Variants in ESRRG observed in about 807,000 individuals in gnomAD.
The protein encoded by ESRRG is estrogen related receptor gamma.
ESRRG carries 13 observed loss-of-function variants against 44.0 expected under a neutral mutation model. The observed-to-expected ratio is 0.30, with a 90% CI of 0.19 to 0.47. ESRRG has a LOEUF of 0.47. ESRRG is among the 20% of genes least tolerant of loss of function. The probability of loss-of-function intolerance (pLI) is 1.00; values close to 1 mark genes in which losing one functional copy is unlikely to be tolerated. For missense variants in ESRRG, 395 were observed against 580.6 expected, an observed-to-expected ratio of 0.68 and a Z score of 3.29; for synonymous variants, 215 against 214.6, an observed-to-expected ratio of 1.00 and a Z score of -0.02.
At chr1:216,875,196 A>C (rs1026824733) in intron 2 of ESRRG, among the ~76,000 whole-genome samples, 1 of 152,190 alleles carries the variant, frequency 6.6e-6, no homozygotes, top group Non-Finnish European at 1.5e-5. Flanking sequence ...GCCCTGAAAA[A>C]GACAGTGTTT....
At chr1:217,107,409 A>T (rs540022959) in intron 1 of ESRRG, among the ~76,000 whole-genome samples, 21 of 152,356 alleles carry the variant, frequency 1.4e-4, no homozygotes, top group Admixed American at 3.9e-4. Flanking sequence ...ATCAAATGTC[A>T]GTGCTTCCCT....
At chr1:216,810,941 C>A (rs542652193) in intron 2 of ESRRG, among the ~76,000 whole-genome samples, 145 of 151,590 alleles carry the variant, frequency 9.6e-4, no homozygotes, top group African/African-American at 3.3e-3. Context: ...TAGGAACAGA[C>A]CAATAGAAGA....
chr1:216,763,800 C>T lies in ESRRG; in HGVS notation c.-13-86309G>A, dbSNP rs188022036. 1.1e-3 allele frequency among the ~76,000 whole-genome samples: 162 copies of T among 151,982 alleles called. 1 individual carries two copies. The highest frequency in any genetic ancestry group is 3.1e-3 in the African/African-American group (128 of 41,460). The stretch of plus-strand genomic sequence containing the variant: ...AATTACGAGCTCTGGGTAAACTGCT[C>T]AATGTTTATGATCCTTGGTTTTGTC... On this transcript the variant is annotated intron_variant, in intron 2 of 7. Transcript: ENST00000359162.
At chr1:216,708,765 G>A (rs376928258) in intron 1 of ESRRG, among the ~76,000 whole-genome samples, 94 of 152,230 alleles carry the variant, frequency 6.2e-4, no homozygotes, top group African/African-American at 2.2e-3. Context: ...ACATGCACAC[G>A]TATGTTTATT....
chr1:216,862,241 T>TC (rs2096065522), intron 2 of ESRRG: 1 of 151,934 alleles, frequency 6.6e-6, no homozygotes. Context: ...TTTTTTTTTT[T>TC]TTAGACAGAA....
At chr1:217,112,732 A>G (rs57386666) in intron 1 of ESRRG, among the ~76,000 whole-genome samples, 37 of 152,340 alleles carry the variant, frequency 2.4e-4, no homozygotes, top group African/African-American at 8.2e-4. Flanking sequence ...AGGGTTTTCA[A>G]TGTAAGAAAT....
chr1:217,032,847 C>T (rs1002089086), intron 1 of ESRRG, among the ~76,000 whole-genome samples: 1 of 152,140 alleles, frequency 6.6e-6, no homozygotes, highest in Admixed American at 6.5e-5. Flanking sequence ...TATGTTTCAT[C>T]AGGGATGCTC....
chr1:217,135,670 A>G (rs2093039599), intron 1 of ESRRG, among the ~76,000 whole-genome samples: 1 of 152,172 alleles, frequency 6.6e-6, no homozygotes, highest in Non-Finnish European at 1.5e-5. Flanking sequence ...TGCCACTACC[A>G]GAGGGTGTTT....
chr1:216,516,689 CA>C (rs1042903543), intron 6 of ESRRG, among the ~76,000 whole-genome samples: 5 of 76,464 alleles, frequency 6.5e-5, no homozygotes, highest in Non-Finnish European at 8.0e-5. Context: ...AGAGAAACGA[CA>C]AAAAAAATAG....
upstream of ESRRG, among the ~76,000 whole-genome samples, chr1:217,094,605 C>CT (rs1470412597): frequency 1.3e-5 from 2 of 152,198 alleles, no homozygotes; most frequent in African/African-American, 2.4e-5. Context: ...TCAGATGTGC[C>CT]TTATCTTACA....
At chr1:216,879,232 A>C (rs577189793) in intron 2 of ESRRG, among the ~76,000 whole-genome samples, 1 of 152,324 alleles carries the variant, frequency 6.6e-6, no homozygotes, top group East Asian at 1.9e-4. Flanking sequence ...AGGAGGTTGC[A>C]CTGAAGCTCA....
At chr1:216,599,625 T>G (rs1381046329) in intron 3 of ESRRG, among the ~76,000 whole-genome samples, 3 of 152,114 alleles carry the variant, frequency 2.0e-5, no homozygotes, top group African/African-American at 7.2e-5. Flanking sequence ...CAACCCTGAT[T>G]AATGATTTCA....
chr1:216,937,146 A>G (rs997323546), intron 2 of ESRRG, among the ~76,000 whole-genome samples: 1 of 152,096 alleles, frequency 6.6e-6, no homozygotes, highest in Non-Finnish European at 1.5e-5. Context: ...TTTTTGTTCC[A>G]CTTAGCCAGC....
upstream of ESRRG, among the ~76,000 whole-genome samples, chr1:217,093,346 A>T (rs1184556910): frequency 6.6e-6 from 1 of 152,156 alleles, no homozygotes; most frequent in Non-Finnish European, 1.5e-5. Flanking sequence ...AAAAAGCAAG[A>T]ACACTCAGCC....
chr1:216,881,964 A>G (rs1187593722), intron 2 of ESRRG, among the ~76,000 whole-genome samples: 1 of 128,970 alleles, frequency 7.8e-6, no homozygotes, highest in Non-Finnish European at 1.6e-5. Context: ...TTTGCTATGC[A>G]CTGGGTTTTT....
At chr1:216,946,946 C>T (rs1480819703) in intron 1 of ESRRG, among the ~76,000 whole-genome samples, 4 of 151,994 alleles carry the variant, frequency 2.6e-5, no homozygotes, top group South Asian at 2.1e-4. Flanking sequence ...GTGATCTGCC[C>T]GCCTCGGCCT....
chr1:217,123,097 T>C (rs1166340), intron 1 of ESRRG, among the ~76,000 whole-genome samples: 22,424 of 152,156 alleles, frequency 0.15, 2,239 homozygotes, highest in African/African-American at 0.28. Flanking sequence ...TAGGAAATGT[T>C]ATCCGCCTAG....
At chr1:216,981,502 A>T (rs376994790) in intron 1 of ESRRG, among the ~76,000 whole-genome samples, 3 of 152,206 alleles carry the variant, frequency 2.0e-5, no homozygotes, top group African/African-American at 7.2e-5. Context: ...TAAATAACTC[A>T]AAACAGCACC....
At chr1:217,063,145 T>G (rs2088910793) in intron 1 of ESRRG, among the ~76,000 whole-genome samples, 1 of 152,196 alleles carries the variant, frequency 6.6e-6, no homozygotes, top group Non-Finnish European at 1.5e-5. Context: ...GATTGCAGTT[T>G]CAGCAGACAG....
Sources: gnomAD v4.1 joint callset for allele counts (sites outside exome capture counted in the v4.1 genomes callset) on GRCh38, gnomAD v4.1.1 for gene constraint, MANE v1.5 for transcripts, NCBI Gene and HGNC (gene_info 2026-07-23, HGNC 2026-07-21) for gene names.